Variants in ANKRD12 observed in about 807,000 individuals in gnomAD.
The protein encoded by ANKRD12 is ankyrin repeat domain-containing protein 12.
A neutral mutation model predicts 183.4 loss-of-function variants in ANKRD12; 85 were observed. That is an observed-to-expected ratio of 0.46 (90% CI 0.39 to 0.56). The LOEUF (loss-of-function observed/expected upper bound fraction) is 0.56. Among genes scored for constraint, ANKRD12 ranks in the 20% least tolerant of loss-of-function variants. ANKRD12 has a pLI of 0.00. For missense variants in ANKRD12, 2,405 were observed against 2,357.1 expected (o/e 1.02, Z -0.42); for synonymous variants, 914 against 800.2 (o/e 1.14, Z -2.40).
At chr18:9,147,051 C>A (rs2078515705) in intron 1 of ANKRD12, among the ~76,000 whole-genome samples, 1 of 152,124 alleles carries the variant, frequency 6.6e-6, no homozygotes, top group Non-Finnish European at 1.5e-5. Context: ...ACTTGGATTG[C>A]TGTCTTGTAG....
intron 6 of ANKRD12, among the ~76,000 whole-genome samples, chr18:9,212,810 A>G (rs536101026): frequency 6.6e-6 from 1 of 152,074 alleles, no homozygotes; most frequent in African/African-American, 2.4e-5. Context: ...GAAGAATGAA[A>G]AAAATCTTAA....
chr18:9,188,114 C>T (rs2034221618), intron 2 of ANKRD12, among the ~76,000 whole-genome samples: 1 of 152,152 alleles, frequency 6.6e-6, no homozygotes, highest in South Asian at 2.1e-4. Flanking sequence ...ATTCCTAGGT[C>T]AGTGATGAAG....
chr18:9,189,056 A>T (rs1413132975), intron 2 of ANKRD12, among the ~76,000 whole-genome samples: 2 of 152,174 alleles, frequency 1.3e-5, no homozygotes, highest in African/African-American at 4.8e-5. Context: ...CTCTTGTGCC[A>T]GTTAACCAAG....
chr18:9,162,808 GT>G (rs142801737), intron 1 of ANKRD12, among the ~76,000 whole-genome samples: 2 of 151,394 alleles, frequency 1.3e-5, no homozygotes, highest in Middle Eastern at 3.4e-3. Flanking sequence ...GTGATATTGA[GT>G]TTTTTTTCAT....
intron 1 of ANKRD12, among the ~76,000 whole-genome samples, chr18:9,157,550 G>GGTGTGTAT (rs1555707774): frequency 2.9e-4 from 33 of 114,592 alleles, no homozygotes; most frequent in African/African-American, 1.2e-3. Context: ...GGTGTGTGTG[G>GGTGTGTAT]GTGTGTGTGT....
At chr18:9,259,064 ATAAAGCTAGTAACGTTCT>A in intron 9 of ANKRD12, 133 bp downstream of exon 9, 1 of 1,069,786 alleles carries the variant, frequency 9.3e-7, no homozygotes, top group Non-Finnish European at 1.3e-6. Context: ...GAGTCGAGAT[ATAAAGCTAGTAACGTTCT>A]TGTTTCTTTC....
rs1186869628 is a variant in ANKRD12 at position 9,257,943 on chromosome 18, C to A, written c.4676C>A (p.Ala1559Asp). ...FVLGDVQKTD[A>D]FVPVYSDSTI... Reference sequence around the variant, plus strand: ...CTAGGAGATGTTCAAAAAACAGATGCCTTTGTCCCAGTGTACTCTGACAGC... The same window carrying A: ...CTAGGAGATGTTCAAAAAACAGATGACTTTGTCCCAGTGTACTCTGACAGC... The change falls in exon 9 of 13, where the codon GCC (alanine) becomes GAC (aspartate). Residue 1559 changes from alanine to aspartate, a missense_variant. Around this residue, in one of 7 missense-constraint regions of ANKRD12, gnomAD observed 1,983 missense variants for 1,725.9 expected, o/e 1.15. Coordinates refer to ENST00000262126, the MANE Select transcript of ANKRD12 (RefSeq NM_015208.5). The A allele has an allele frequency of 1.2e-6, 2 of 1,613,910 alleles. No individual in the cohort carries two copies. The highest frequency in any genetic ancestry group is 2.2e-5 in the South Asian group (2 of 91,076).
At chr18:9,251,051 T>C (rs1407565502) in intron 8 of ANKRD12, among the ~76,000 whole-genome samples, 2 of 152,228 alleles carry the variant, frequency 1.3e-5, no homozygotes, top group African/African-American at 4.8e-5. Context: ...TCCTGAAATA[T>C]ATGTGACAGT....
intron 10 of ANKRD12, among the ~76,000 whole-genome samples, chr18:9,266,470 T>G (rs979706467): frequency 2.0e-5 from 3 of 152,188 alleles, no homozygotes; most frequent in African/African-American, 4.8e-5. Flanking sequence ...TTCAACATTC[T>G]TAAAGAAAAT....
rs1257571743 is a variant in ANKRD12 at position 9,280,357 on chromosome 18, G to T, written c.6004-584G>T. 2.0e-5 allele frequency among the ~76,000 whole-genome samples: 3 copies of T among 152,214 alleles called. No individual in the cohort carries two copies. The East Asian group carries it at 5.8e-4, about 29-fold the overall frequency. ...TGCTTGCCGCCACTCACCTCCTGCGGTGTGGCCCAGTTCTGAACAGGCCAT... is the reference window on the plus strand; with the variant it reads ...TGCTTGCCGCCACTCACCTCCTGCGTTGTGGCCCAGTTCTGAACAGGCCAT... On this transcript the variant is annotated intron_variant, in intron 12 of 12. Transcript: ENST00000262126.
chr18:9,247,570 C>T (rs1029632157), intron 8 of ANKRD12, among the ~76,000 whole-genome samples: 2 of 152,096 alleles, frequency 1.3e-5, no homozygotes, highest in African/African-American at 4.8e-5. Context: ...TTTTTATCAT[C>T]TTAAAATTTC....
intron 11 of ANKRD12, among the ~76,000 whole-genome samples, chr18:9,278,916 G>T (rs964519693): frequency 2.0e-5 from 3 of 152,068 alleles, no homozygotes; most frequent in South Asian, 2.1e-4. Context: ...TATGATGAGG[G>T]CTTTATAGAC....
chr18:9,212,993 A>T (rs2035894078), intron 6 of ANKRD12, among the ~76,000 whole-genome samples: 1 of 151,920 alleles, frequency 6.6e-6, no homozygotes, highest in East Asian at 1.9e-4. Flanking sequence ...CAAATATGTA[A>T]AGATTTTCAC....
At chr18:9,195,890 A>G (rs897326960) in intron 3 of ANKRD12, among the ~76,000 whole-genome samples, 192 bp downstream of exon 3, 4 of 152,140 alleles carry the variant, frequency 2.6e-5, no homozygotes, top group Admixed American at 2.6e-4. Flanking sequence ...AGATAAAAAC[A>G]ATTTTCTTTA....
chr18:9,277,616 C>T (rs992307947), intron 11 of ANKRD12, among the ~76,000 whole-genome samples: 4 of 151,796 alleles, frequency 2.6e-5, no homozygotes, highest in Admixed American at 1.3e-4. Flanking sequence ...CGTGAGCCAC[C>T]GCGCCCGGCC....
rs2038637143 is a variant in ANKRD12, at chr18:9,256,531, C to T, written c.3264C>T (p.Asp1088=). ...TTGAACGAATGCTAAGCCTTAAAGA[C>T]CTAGAAATAGAACAGTGGCACAAAA... The part of the protein sequence containing the change: ...TSFERMLSLK[D]LEIEQWHKKH... The change falls in exon 9 of 13, where the codon GAC becomes GAT. Residue 1088 remains aspartate, a synonymous_variant. Transcript: ENST00000262126. 1.2e-6 allele frequency: 2 copies of T among 1,604,572 alleles called. No homozygotes were observed. The highest frequency in any genetic ancestry group is 1.7e-6 in the Non-Finnish European group (2 of 1,177,752).
At chr18:9,174,304 AG>A (rs2033049366) in intron 1 of ANKRD12, among the ~76,000 whole-genome samples, 1 of 152,264 alleles carries the variant, frequency 6.6e-6, no homozygotes, top group Non-Finnish European at 1.5e-5. Context: ...TGAGGCCCGC[AG>A]AATGACACTG....
chr18:9,243,570 C>T (rs533276018), intron 8 of ANKRD12, among the ~76,000 whole-genome samples: 39 of 152,190 alleles, frequency 2.6e-4, no homozygotes, highest in Middle Eastern at 3.4e-3. Flanking sequence ...GCAGTGGATC[C>T]ACCAACCATA....
Position 9,255,732 on chromosome 18 carries a change from C to A in ANKRD12, c.2465C>A (p.Pro822His). The A allele has an allele frequency of 6.3e-7, 1 of 1,588,714 alleles. No homozygotes were observed. The highest frequency in any genetic ancestry group is 8.5e-7 in the Non-Finnish European group (1 of 1,173,320). ...EKHIKESKEKPEKRSQIKEKD... is the reference protein window; with the variant it reads ...EKHIKESKEKHEKRSQIKEKD... Reference sequence around the variant, plus strand: ...CATATAAAGGAAAGTAAAGAAAAACCTGAGAAGCGATCTCAAATTAAAGAA... The same window carrying A: ...CATATAAAGGAAAGTAAAGAAAAACATGAGAAGCGATCTCAAATTAAAGAA... The change falls in exon 9 of 13, where the codon CCT becomes CAT. Residue 822 changes from proline (P) to histidine (H), a missense_variant. By Grantham distance (77) the Pro-to-His change is moderately conservative. Around this residue, in one of 7 missense-constraint regions of ANKRD12, gnomAD observed 1,983 missense variants for 1,725.9 expected, o/e 1.15. Transcript: ENST00000262126.
Sources: allele counts gnomAD v4.1 joint callset (sites outside exome capture counted in the v4.1 genomes callset), GRCh38; gene constraint gnomAD v4.1.1; regional missense constraint gnomAD v4.1.1; transcripts MANE v1.5; gene names NCBI Gene and HGNC (gene_info 2026-07-23, HGNC 2026-07-21).